Variants in PLCH1 observed in about 807,000 individuals in gnomAD.
PLCH1 encodes phospholipase C eta 1.
In PLCH1, 60 loss-of-function variants were observed where a neutral mutation model predicts 126.7. The ratio of observed to expected loss-of-function variants is 0.47; its 90% confidence interval spans 0.38 to 0.59. The LOEUF is 0.59. PLCH1 is among the 20% of genes least tolerant of loss of function. PLCH1 has a pLI of 0.00. For synonymous variants in PLCH1, 719 were observed against 734.9 expected (o/e 0.98, Z 0.35); for missense variants, 1,723 against 2,040.0 (o/e 0.84, Z 2.99).
At chr3:155,704,350 G>A (rs78091351) in intron 1 of PLCH1, 86 bp from the exon 2 acceptor site, 7,138 of 401,124 alleles carry the variant, frequency 0.018, 261 homozygotes, top group African/African-American at 0.098. Flanking sequence ...CGGTTGCCCA[G>A]CATTACGGGG....
intron 2 of PLCH1, among the ~76,000 whole-genome samples, chr3:155,639,818 G>A (rs1239639431): frequency 1.3e-5 from 2 of 152,170 alleles, no homozygotes; most frequent in Non-Finnish European, 2.9e-5. Context: ...CTGGTGGGAG[G>A]TGACTGAGTC....
chr3:155,634,513 G>A (rs910235600), intron 2 of PLCH1, among the ~76,000 whole-genome samples: 7 of 152,194 alleles, frequency 4.6e-5, no homozygotes, highest in Admixed American at 2.6e-4. Context: ...AATGGAGCTG[G>A]TTGCTGAGCA....
intron 11 of PLCH1, among the ~76,000 whole-genome samples, chr3:155,515,395 C>CT (rs1384845993): frequency 6.6e-6 from 1 of 152,160 alleles, no homozygotes; most frequent in Non-Finnish European, 1.5e-5. Flanking sequence ...AATAAAACTA[C>CT]TTTTTTCACT....
At chr3:155,463,618 C>T (rs899075181) in intron 21 of PLCH1, among the ~76,000 whole-genome samples, 1 of 152,146 alleles carries the variant, frequency 6.6e-6, no homozygotes, top group East Asian at 1.9e-4. Context: ...CATCTCCTCA[C>T]AAAATTGTCA....
At chr3:155,531,639 A>G (rs1722695417) in intron 10 of PLCH1, among the ~76,000 whole-genome samples, 1 of 152,138 alleles carries the variant, frequency 6.6e-6, no homozygotes, top group Non-Finnish European at 1.5e-5. Context: ...ACCAAAAAGA[A>G]ATCTGTTGTT....
chr3:155,632,762 A>G (rs1403387876), intron 2 of PLCH1, among the ~76,000 whole-genome samples: 2 of 152,216 alleles, frequency 1.3e-5, no homozygotes, highest in South Asian at 2.1e-4. Flanking sequence ...GATGGTCTGC[A>G]CATGATCTGT....
intron 2 of PLCH1, among the ~76,000 whole-genome samples, chr3:155,654,631 C>A (rs929476382): frequency 2.6e-5 from 4 of 152,154 alleles, no homozygotes; most frequent in African/African-American, 9.7e-5. Flanking sequence ...ATCAGGAAGT[C>A]ACATCAAGTC....
chr3:155,561,388 GT>G (rs1174963333), intron 8 of PLCH1, among the ~76,000 whole-genome samples: 2 of 150,670 alleles, frequency 1.3e-5, no homozygotes, highest in Admixed American at 1.3e-4. Flanking sequence ...GCGGAGTTTG[GT>G]TTTTTGTTCT....
At chr3:155,498,874 T>A (rs1261022220) in intron 14 of PLCH1, among the ~76,000 whole-genome samples, 1 of 152,126 alleles carries the variant, frequency 6.6e-6, no homozygotes, top group East Asian at 1.9e-4. Context: ...TGCAGTCAAG[T>A]CCTCCACAGA....
intron 11 of PLCH1, 54 bp downstream of exon 11, chr3:155,523,843 C>A: frequency 2.0e-6 from 2 of 1,021,640 alleles, no homozygotes. Flanking sequence ...ACTTGGAACT[C>A]CATTTTAATA....
intron 6 of PLCH1, among the ~76,000 whole-genome samples, chr3:155,582,330 G>A (rs185818364): frequency 3.5e-4 from 53 of 151,896 alleles, no homozygotes; most frequent in Non-Finnish European, 6.3e-4. Context: ...TGATCCACCC[G>A]CCTCAGCCTC....
rs772030360 is a variant in PLCH1, at chr3:155,549,900, C to A, written c.1249G>T (p.Ala417Ser). The change falls in exon 10 of 23, where the codon GCT (alanine) becomes TCT (serine). Residue 417 changes from alanine to serine, a missense_variant. By Grantham distance (99) the Ala-to-Ser change is moderately conservative. This residue lies in a region of PLCH1 where 776 missense variants were observed against 1,062.9 expected (regional missense o/e 0.73). Transcript: ENST00000460012. ...CCGAATATTCCTTTCAGGTACTGAG[C>A]AATCTTCCTTTGCTGCTGGATACTG... Reference protein sequence around the residue: ...HCSIQQQRKIAQYLKGIFGDK... With the variant: ...HCSIQQQRKISQYLKGIFGDK... The A allele has an allele frequency of 1.4e-5, 23 of 1,613,504 alleles. No individual in the cohort carries two copies. The highest frequency in any genetic ancestry group is 1.8e-5 in the Non-Finnish European group (21 of 1,179,586).
intron 2 of PLCH1, among the ~76,000 whole-genome samples, chr3:155,609,287 A>G (rs1265204619): frequency 1.3e-5 from 2 of 152,182 alleles, no homozygotes; most frequent in Non-Finnish European, 2.9e-5. Context: ...GACCCAGAAG[A>G]GCAATAAGAA....
intron 9 of PLCH1, 34 bp from the exon 10 acceptor site, chr3:155,549,992 G>A: frequency 6.5e-7 from 1 of 1,549,088 alleles, no homozygotes; most frequent in South Asian, 1.2e-5. Context: ...AGAGGCGTCA[G>A]GTGCAGGCAA....
chr3:155,633,346 C>A (rs200362869), intron 2 of PLCH1, among the ~76,000 whole-genome samples: 42 of 133,490 alleles, frequency 3.1e-4, no homozygotes, highest in Middle Eastern at 4.0e-3. Flanking sequence ...TAGTTTTCTT[C>A]AAAAAAAAAA....
intron 6 of PLCH1, among the ~76,000 whole-genome samples, chr3:155,570,522 TTAA>T (rs1729061263): frequency 6.6e-6 from 1 of 152,202 alleles, no homozygotes; most frequent in Admixed American, 6.5e-5. Flanking sequence ...TGTGATTATT[TTAA>T]TAATGACTCT....
chr3:155,589,690 G>A (rs1414257873), intron 4 of PLCH1, among the ~76,000 whole-genome samples: 1 of 152,164 alleles, frequency 6.6e-6, no homozygotes, highest in Non-Finnish European at 1.5e-5. Flanking sequence ...CTAAGTGCCA[G>A]AACCATCATC....
chr3:155,634,935 C>T (rs917593771), intron 2 of PLCH1, among the ~76,000 whole-genome samples: 1 of 152,086 alleles, frequency 6.6e-6, no homozygotes, highest in African/African-American at 2.4e-5. Context: ...TGGGTAAAAG[C>T]GTGAACTATG....
chr3:155,558,624 T>C (rs1332623232), intron 8 of PLCH1, among the ~76,000 whole-genome samples: 1 of 152,208 alleles, frequency 6.6e-6, no homozygotes, highest in Non-Finnish European at 1.5e-5. Flanking sequence ...TCTCTCAAGA[T>C]ATTTTACTGT....
Sources: allele counts gnomAD v4.1 joint callset (sites outside exome capture counted in the v4.1 genomes callset), GRCh38; gene constraint gnomAD v4.1.1; regional missense constraint gnomAD v4.1.1; transcripts MANE v1.5; gene names NCBI Gene and HGNC (gene_info 2026-07-23, HGNC 2026-07-21).